Variants in PIK3C2G observed in about 807,000 individuals in gnomAD.
PIK3C2G encodes phosphatidylinositol-4-phosphate 3-kinase catalytic subunit type 2 gamma, also known as phosphatidylinositol 3-kinase C2 domain-containing subunit gamma.
In PIK3C2G, 168 loss-of-function variants were observed where a neutral mutation model predicts 181.1. That is an observed-to-expected ratio of 0.93 (90% CI 0.82 to 1.05). The LOEUF is 1.05. Ranked by LOEUF, PIK3C2G falls within the 50% of genes least tolerant of loss-of-function variation. PIK3C2G has a pLI of 0.00. For synonymous variants in PIK3C2G, 573 were observed against 592.2 expected, an observed-to-expected ratio of 0.97 and a Z score of 0.47; for missense variants, 1,869 against 1,732.8, an observed-to-expected ratio of 1.08 and a Z score of -1.40.
the PIK3C2G span, chr12:18,688,294 T>C: frequency 6.8e-7 from 1 of 1,470,622 alleles, no homozygotes. Flanking sequence ...AATTAAGTTA[T>C]GTATTACAAA....
chr12:18,439,839 T>G (rs2135816473), intron 18 of PIK3C2G, among the ~76,000 whole-genome samples: 1 of 152,230 alleles, frequency 6.6e-6, no homozygotes, highest in South Asian at 2.1e-4. Context: ...ATCAAATTTA[T>G]TAATCACACA....
chr12:18,294,041 G>T, intron 5 of PIK3C2G, 26 bp downstream of exon 5: 1 of 1,094,172 alleles, frequency 9.1e-7, no homozygotes, highest in East Asian at 2.4e-5. Context: ...AATTTTGGTT[G>T]TATTATAATC....
At chr12:18,481,178 C>T (rs959585911) in intron 18 of PIK3C2G, among the ~76,000 whole-genome samples, 6 of 152,120 alleles carry the variant, frequency 3.9e-5, no homozygotes, top group African/African-American at 1.4e-4. Context: ...TCGTGATCAG[C>T]CCACCTAGGC....
chr12:18,379,699 GC>G (rs1942703080), intron 13 of PIK3C2G, among the ~76,000 whole-genome samples: 1 of 152,150 alleles, frequency 6.6e-6, no homozygotes, highest in Non-Finnish European at 1.5e-5. Flanking sequence ...GCTGAAGTCT[GC>G]AGCTCATGAC....
the PIK3C2G span, among the ~76,000 whole-genome samples, chr12:18,711,236 G>A: frequency 2.0e-5 from 3 of 151,608 alleles, 1 homozygote; most frequent in South Asian, 2.1e-4. Flanking sequence ...CCTTTGTAGA[G>A]ACATGGATGA....
At chr12:18,640,926 C>T (rs1949807869) in intron 32 of PIK3C2G, among the ~76,000 whole-genome samples, 1 of 152,106 alleles carries the variant, frequency 6.6e-6, no homozygotes, top group Non-Finnish European at 1.5e-5. Flanking sequence ...CAGTAAATCT[C>T]ATAAAATCTC....
chr12:18,384,283 A>C (rs1943033826), intron 14 of PIK3C2G, among the ~76,000 whole-genome samples: 1 of 152,188 alleles, frequency 6.6e-6, no homozygotes, highest in Non-Finnish European at 1.5e-5. Flanking sequence ...CAGAAACTTG[A>C]GTTCCTGAGT....
the PIK3C2G span, among the ~76,000 whole-genome samples, chr12:18,716,367 A>G: frequency 1.1e-3 from 172 of 152,260 alleles, no homozygotes; most frequent in Non-Finnish European, 2.1e-3. Context: ...ACCTTTACAA[A>G]ACTGCATATT....
At chr12:18,462,551 G>A (rs1446090178) in intron 18 of PIK3C2G, among the ~76,000 whole-genome samples, 1 of 151,980 alleles carries the variant, frequency 6.6e-6, no homozygotes, top group Non-Finnish European at 1.5e-5. Context: ...GTAGACTATT[G>A]ACAGAAGGTA....
the PIK3C2G span, among the ~76,000 whole-genome samples, chr12:18,689,522 C>T: frequency 6.6e-6 from 1 of 152,048 alleles, no homozygotes; most frequent in East Asian, 1.9e-4. Context: ...CTTCTTCCAA[C>T]GTGGCCCAGG....
At chr12:18,501,641 T>C (rs1941489756) in intron 22 of PIK3C2G, among the ~76,000 whole-genome samples, 1 of 152,242 alleles carries the variant, frequency 6.6e-6, no homozygotes, top group Non-Finnish European at 1.5e-5. Flanking sequence ...GTGTATGATA[T>C]ATACTAGCTT....
chr12:18,607,236 A>G (rs1948078425), intron 30 of PIK3C2G: 1 of 504,312 alleles, frequency 2.0e-6, no homozygotes. Flanking sequence ...GAAAGGAATA[A>G]TATGAGAAAC....
At chr12:18,469,251 C>G (rs1049008122) in intron 18 of PIK3C2G, among the ~76,000 whole-genome samples, 1 of 151,966 alleles carries the variant, frequency 6.6e-6, no homozygotes, top group South Asian at 2.1e-4. Context: ...CCTGAGAGAC[C>G]CATTTCTGAA....
downstream of PIK3C2G, among the ~76,000 whole-genome samples, chr12:18,651,246 T>C (rs1430425243): frequency 6.6e-6 from 1 of 151,948 alleles, no homozygotes; most frequent in Non-Finnish European, 1.5e-5. Context: ...GTGCCCTGTA[T>C]CCATTTGCCT....
At chr12:18,507,577 A>G (rs1941915874) in intron 24 of PIK3C2G, among the ~76,000 whole-genome samples, 1 of 152,234 alleles carries the variant, frequency 6.6e-6, no homozygotes, top group Non-Finnish European at 1.5e-5. Flanking sequence ...GTCAATTAAC[A>G]TACTTGAGTG....
At chr12:18,596,294 T>C (rs1432118067) in intron 30 of PIK3C2G, among the ~76,000 whole-genome samples, 1 of 152,078 alleles carries the variant, frequency 6.6e-6, no homozygotes, top group Admixed American at 6.6e-5. Context: ...AAAATTATCT[T>C]AAAGTTATCA....
At position 18,648,055 on chromosome 12, in the gene PIK3C2G, C is replaced by A; in HGVS notation, c.*27C>A. ...CATTGCTATGAACATATGCATTATT[C>A]ATTAACTACTTGTATTTTTTTCACT... On this transcript the variant is annotated 3_prime_UTR_variant, in exon 33 of 33. Coordinates refer to ENST00000538779, the MANE Select transcript of PIK3C2G (RefSeq NM_001288772.2). The A allele has an allele frequency of 2.1e-6, 3 of 1,441,420 alleles. No individual in the cohort carries two copies. The highest frequency in any genetic ancestry group is 2.9e-5 in the South Asian group (2 of 69,812). The allele number at this position is 1,441,420 out of a possible 1,614,324, so 89.3% of individuals were successfully genotyped here.
At chr12:18,686,074 C>A in the PIK3C2G span, among the ~76,000 whole-genome samples, 82 of 152,094 alleles carry the variant, frequency 5.4e-4, no homozygotes, top group East Asian at 0.015. Context: ...TCTTAAAATT[C>A]TTCTTGTCCA....
intron 2 of PIK3C2G, among the ~76,000 whole-genome samples, chr12:18,284,418 A>G (rs567816183): frequency 1.0e-3 from 157 of 152,282 alleles, no homozygotes; most frequent in African/African-American, 3.1e-3. Context: ...TGAAAAAAAA[A>G]CTTAACGATT....
Sources: allele counts gnomAD v4.1 joint callset (sites outside exome capture counted in the v4.1 genomes callset), GRCh38; gene constraint gnomAD v4.1.1; transcripts MANE v1.5; gene names NCBI Gene and HGNC (gene_info 2026-07-23, HGNC 2026-07-21).